Variants in RHBDF1 observed in about 807,000 individuals in gnomAD.
RHBDF1 encodes the protein inactive rhomboid protein 1.
Under a neutral mutation model 98.6 loss-of-function variants are expected in RHBDF1, and 80 were observed. The ratio of observed to expected loss-of-function variants is 0.81; its 90% CI spans 0.68 to 0.98. RHBDF1 has a LOEUF of 0.98. Ranked by LOEUF, RHBDF1 falls within the 50% of genes least tolerant of loss-of-function variation. RHBDF1 has a pLI of 0.00. For synonymous variants in RHBDF1, 512 were observed against 486.8 expected, an observed-to-expected ratio of 1.05 and a Z score of -0.68; for missense variants, 1,116 against 1,198.3, an observed-to-expected ratio of 0.93 and a Z score of 1.01.
chr16:75,919 C>G (rs933912324), upstream of RHBDF1, among the ~76,000 whole-genome samples: 1 of 152,146 alleles, frequency 6.6e-6, no homozygotes, highest in Non-Finnish European at 1.5e-5. Context: ...GCTGGGCACC[C>G]TGGGGTCATA....
chr16:65,078 G>A, intron 1 of RHBDF1, 39 bp from the exon 2 acceptor site: 3 of 1,479,746 alleles, frequency 2.0e-6, no homozygotes, highest in Non-Finnish European at 2.7e-6. Flanking sequence ...TGACAAAGCT[G>A]ACATCTGAAG....
Position 67,549 on chromosome 16 carries a change from T to C in RHBDF1, c.-24-2510A>G, listed in dbSNP as rs138299418. Among the ~76,000 whole-genome samples, 72 of 152,324 alleles carry C rather than the reference T, an allele frequency of 4.7e-4. No homozygotes were observed. In the East Asian group the frequency reaches 0.012, roughly 25 times the overall value. ...CCTGCTCTCCGCTGCTCCTCACACC[T>C]GACTCCCTCCCATCTCAGAGCCCTG... is the stretch of plus-strand genomic sequence containing the variant. On this transcript the variant is annotated intron_variant, in intron 1 of 17. Transcript: ENST00000262316.
chr16:69,885 G>T (rs1181138015), intron 1 of RHBDF1, among the ~76,000 whole-genome samples: 1 of 152,222 alleles, frequency 6.6e-6, no homozygotes, highest in Non-Finnish European at 1.5e-5. Context: ...TAGACAAGGA[G>T]ACAGAACAAG....
intron 1 of RHBDF1, among the ~76,000 whole-genome samples, chr16:66,679 G>C (rs890178238): frequency 6.6e-6 from 1 of 152,198 alleles, no homozygotes; most frequent in Non-Finnish European, 1.5e-5. Context: ...TCCCAGGTGA[G>C]AGCTGGGGGG....
rs1171210051 is a variant in RHBDF1, at chr16:60,544, G to C, written c.1558-5C>G. On this transcript the variant is annotated splice_region_variant and splice_polypyrimidine_tract_variant and intron_variant, in intron 11 of 17. Coordinates refer to ENST00000262316, the MANE Select transcript of RHBDF1 (RefSeq NM_022450.5). ...CACCCACACTGCCAGCGTGGACTGT[G>C]GGAGGGGGACACAGGGTCAGGTCCA... is the stretch of plus-strand genomic sequence containing the variant. The C allele has an allele frequency of 6.2e-7, 1 of 1,604,932 alleles. No individual in the cohort carries two copies. The highest frequency in any genetic ancestry group is 8.5e-7 in the Non-Finnish European group (1 of 1,178,970).
chr16:63,979 T>C, intron 3 of RHBDF1, 179 bp from the exon 4 acceptor site: 1 of 744,050 alleles, frequency 1.3e-6, no homozygotes. Context: ...CCCTGAACTG[T>C]TAGCCAACTC....
chr16:71,691 T>C (rs997183440), intron 1 of RHBDF1, among the ~76,000 whole-genome samples: 2 of 151,942 alleles, frequency 1.3e-5, no homozygotes, highest in Admixed American at 1.3e-4. Context: ...GAAGAAACTC[T>C]GGTCAGGACC....
chr16:75,939 C>T (rs1280150066), upstream of RHBDF1, among the ~76,000 whole-genome samples: 2 of 152,180 alleles, frequency 1.3e-5, no homozygotes, highest in Admixed American at 1.3e-4. Flanking sequence ...AAGGCTGATA[C>T]TAGAACCCTG....
chr16:69,561 T>G (rs909549173), intron 1 of RHBDF1, among the ~76,000 whole-genome samples: 2 of 151,954 alleles, frequency 1.3e-5, no homozygotes, highest in African/African-American at 4.8e-5. Context: ...ACTCCTAATC[T>G]GAAGCTCAAT....
chr16:60,977 A>C, intron 11 of RHBDF1, 143 bp downstream of exon 11: 1 of 850,408 alleles, frequency 1.2e-6, no homozygotes. Flanking sequence ...GATGAGGAGG[A>C]ATGAATATGA....
At chr16:62,462 T>G (rs1596469069) in intron 7 of RHBDF1, 76 bp downstream of exon 7, 18 of 1,553,564 alleles carry the variant, frequency 1.2e-5, no homozygotes, top group Non-Finnish European at 1.6e-5. Context: ...CAGAGGTGAA[T>G]GCCGATACTC....
chr16:61,852 C>T lies in RHBDF1; in HGVS notation c.1154G>A (p.Arg385His), dbSNP rs1897640033. Reference protein sequence around the residue: ...MVGRLTNRTYRKRIDSFVKRQ... With the variant: ...MVGRLTNRTYHKRIDSFVKRQ... Reference sequence around the variant, plus strand: ...CTTGACGAAGCTGTCGATGCGCTTGCGGTAGGTGCGGTTGGTGAGCCGTCC... The same window carrying T: ...CTTGACGAAGCTGTCGATGCGCTTGTGGTAGGTGCGGTTGGTGAGCCGTCC... The change falls in exon 8 of 18, where the codon CGC becomes CAC. Residue 385 changes from arginine (R) to histidine (H), a missense_variant. Arg to His is a conservative substitution (Grantham distance 29, BLOSUM62 0). Transcript: ENST00000262316. The T allele has an allele frequency of 6.2e-7, 1 of 1,611,412 alleles. No individual in the cohort carries two copies. Among genetic ancestry groups the T allele is most frequent in the South Asian group, 1.1e-5 (1 of 91,026 alleles).
intron 3 of RHBDF1, chr16:64,094 A>G: frequency 4.8e-6 from 3 of 629,524 alleles, no homozygotes; most frequent in Non-Finnish European, 8.4e-6. Flanking sequence ...CTGAGTCCAG[A>G]GAAGGAGCTG....
In RHBDF1 at chr16:61,299, G is replaced by A. The variant is rs1038518715; in HGVS notation, c.1396-18C>T. 2.0e-5 allele frequency: 31 copies of A among 1,541,806 alleles called. No homozygotes were observed. In the Admixed American group the frequency reaches 3.2e-4, roughly 16 times the overall value. ...AGGGCCTCCTGCGGGCGAGGGAGAC[G>A]AGCGGCCGCAGTCCGGGGCCTCCTG... On this transcript the variant is annotated intron_variant, in intron 10 of 17. Coordinates refer to ENST00000262316, the MANE Select transcript of RHBDF1 (RefSeq NM_022450.5).
At chr16:68,079 T>A (rs996543160) in intron 1 of RHBDF1, among the ~76,000 whole-genome samples, 2 of 151,812 alleles carry the variant, frequency 1.3e-5, no homozygotes, top group South Asian at 2.1e-4. Flanking sequence ...GGGACCACAG[T>A]CGGCCCCAGG....
Position 59,725 on chromosome 16 carries a change from C to A in RHBDF1, c.1817+7G>T, listed in dbSNP as rs760473696. 8 of 1,613,774 alleles carry A rather than the reference C, an allele frequency of 5.0e-6. No homozygotes were observed. The highest frequency in any genetic ancestry group is 6.8e-6 in the Non-Finnish European group (8 of 1,179,920). On this transcript the variant is annotated splice_region_variant and intron_variant, in intron 14 of 17. Coordinates refer to ENST00000262316, the MANE Select transcript of RHBDF1 (RefSeq NM_022450.5). ...GACCAGCTGCACTCGCTGGCACGCA[C>A]ACGTACCTGCCCTTGGTGCCAATGC...
intron 7 of RHBDF1, 53 bp from the exon 8 acceptor site, chr16:62,105 C>G: frequency 7.0e-7 from 1 of 1,433,792 alleles, no homozygotes. Flanking sequence ...CTGCTGCAGT[C>G]CCTCCCCGGG....
chr16:61,093 G>C (rs1367500690), intron 11 of RHBDF1, 27 bp downstream of exon 11: 1 of 1,514,982 alleles, frequency 6.6e-7, no homozygotes, highest in Admixed American at 2.0e-5. Flanking sequence ...GCAGACGAAG[G>C]CGGGAGTCCC....
intron 13 of RHBDF1, 141 bp downstream of exon 13, chr16:60,075 G>A: frequency 4.6e-6 from 7 of 1,519,910 alleles, no homozygotes; most frequent in South Asian, 2.6e-5. Flanking sequence ...TGGACAGGCT[G>A]TACAAAGGGC....
Sources: allele counts gnomAD v4.1 joint callset (sites outside exome capture counted in the v4.1 genomes callset), GRCh38; gene constraint gnomAD v4.1.1; transcripts MANE v1.5; gene names NCBI Gene and HGNC (gene_info 2026-07-23, HGNC 2026-07-21).